Variants in SRGAP2 observed in about 807,000 individuals in gnomAD.
SRGAP2 encodes the protein SLIT-ROBO Rho GTPase-activating protein 2.
A neutral mutation model predicts 57.2 loss-of-function variants in SRGAP2; 15 were observed. The ratio of observed to expected loss-of-function variants is 0.26; its 90% CI spans 0.18 to 0.40. The LOEUF is 0.40. SRGAP2 is among the 10% of genes least tolerant of loss of function. The pLI, the probability that SRGAP2 is intolerant of heterozygous loss-of-function variation, is 1.00. For missense variants in SRGAP2, 520 were observed against 669.6 expected (o/e 0.78, Z 2.47); for synonymous variants, 249 against 248.0 (o/e 1.00, Z -0.04).
chr1:206,329,769 C>T (rs1674214785), intron 3 of SRGAP2, among the ~76,000 whole-genome samples: 1 of 145,036 alleles, frequency 6.9e-6, no homozygotes, highest in Non-Finnish European at 1.5e-5. Flanking sequence ...AATTTGACTT[C>T]CTCTTTTCCT....
intron 3 of SRGAP2, among the ~76,000 whole-genome samples, chr1:206,305,765 AGGACAC>A (rs1672154648): frequency 1.3e-5 from 2 of 150,558 alleles, no homozygotes; most frequent in South Asian, 2.1e-4. Flanking sequence ...TTAATAATAC[AGGACAC>A]AAATTATCCT....
intron 4 of SRGAP2, among the ~76,000 whole-genome samples, chr1:206,348,035 T>A (rs1214599740): frequency 2.0e-5 from 3 of 149,116 alleles, no homozygotes. Context: ...GCTGCACAAT[T>A]GGCCCCTCTA....
chr1:206,452,101 T>TA (rs1663369980), intron 19 of SRGAP2, among the ~76,000 whole-genome samples: 1 of 152,220 alleles, frequency 6.6e-6, no homozygotes, highest in Non-Finnish European at 1.5e-5. Context: ...ACATACCACT[T>TA]ACTATGGGCG....
At chr1:206,460,649 A>C (rs17018801) in intron 22 of SRGAP2, among the ~76,000 whole-genome samples, 7 of 152,280 alleles carry the variant, frequency 4.6e-5, no homozygotes, top group African/African-American at 1.7e-4. Flanking sequence ...AAACCTACCC[A>C]AAAGCAGACA....
At chr1:206,255,243 T>G (rs550983446) in intron 2 of SRGAP2, among the ~76,000 whole-genome samples, 16 of 151,366 alleles carry the variant, frequency 1.1e-4, no homozygotes, top group Non-Finnish European at 2.1e-4. Context: ...CTTATTGGCC[T>G]GTCTCGTCAG....
In SRGAP2 at chr1:206,384,448, C is replaced by T. The variant is rs139637295; in HGVS notation, c.486+372C>T. Among the ~76,000 whole-genome samples the T allele has an allele frequency of 3.7e-4, 55 of 150,260 alleles. 1 individual carries two copies. Among genetic ancestry groups the T allele is most frequent in the Admixed American group, 5.2e-4 (8 of 15,244 alleles). On this transcript the variant is annotated intron_variant, in intron 5 of 22. Coordinates refer to ENST00000573034, the MANE Select transcript of SRGAP2 (RefSeq NM_015326.5). Reference sequence around the variant, plus strand: ...CATTGCACTATTAATATGTGCCTGTCGGAAAGCCTTTATTGTTCTAGGTTT... The same window carrying T: ...CATTGCACTATTAATATGTGCCTGTTGGAAAGCCTTTATTGTTCTAGGTTT...
At chr1:206,458,414 G>A (rs1342762896) in intron 21 of SRGAP2, 2 of 709,812 alleles carry the variant, frequency 2.8e-6, no homozygotes, top group Non-Finnish European at 2.6e-6. Context: ...CACCAAGTAA[G>A]TATCCATTTC....
intron 2 of SRGAP2, among the ~76,000 whole-genome samples, chr1:206,214,046 A>T (rs1333121075): frequency 2.0e-5 from 3 of 152,140 alleles, no homozygotes; most frequent in Non-Finnish European, 4.4e-5. Context: ...CCCACTGGAG[A>T]TCTACTCAGA....
intron 2 of SRGAP2, among the ~76,000 whole-genome samples, chr1:206,218,037 G>T (rs1260508430): frequency 4.6e-5 from 7 of 152,004 alleles, no homozygotes; most frequent in African/African-American, 1.7e-4. Flanking sequence ...GGCCTGGCTG[G>T]GTGGCTCAAG....
At chr1:206,459,448 G>C (rs886580516) in intron 22 of SRGAP2, among the ~76,000 whole-genome samples, 1 of 152,138 alleles carries the variant, frequency 6.6e-6, no homozygotes, top group Non-Finnish European at 1.5e-5. Context: ...AAATACTCTG[G>C]CTGCAGAGAG....
chr1:206,334,016 A>C (rs1289759101), intron 3 of SRGAP2, among the ~76,000 whole-genome samples: 1 of 152,140 alleles, frequency 6.6e-6, no homozygotes, highest in Non-Finnish European at 1.5e-5. Flanking sequence ...GCCAATGGAC[A>C]TACAAATTTG....
chr1:206,433,226 G>A (rs1661423498), intron 14 of SRGAP2, among the ~76,000 whole-genome samples: 1 of 152,166 alleles, frequency 6.6e-6, no homozygotes, highest in Non-Finnish European at 1.5e-5. Context: ...TACTTATAGG[G>A]GATGGATGGA....
chr1:206,307,616 C>A (rs1363671333), intron 3 of SRGAP2, among the ~76,000 whole-genome samples: 12 of 152,364 alleles, frequency 7.9e-5, no homozygotes, highest in Admixed American at 6.5e-4. Flanking sequence ...GCAGCTAAGG[C>A]CCAGTGAGAA....
intron 4 of SRGAP2, among the ~76,000 whole-genome samples, chr1:206,353,798 AT>A (rs566625693): frequency 0.016 from 2,011 of 127,308 alleles, 15 homozygotes; most frequent in South Asian, 0.042. Flanking sequence ...TTTATTTCAG[AT>A]TTTTTTTTTT....
intron 4 of SRGAP2, among the ~76,000 whole-genome samples, chr1:206,369,331 A>T (rs1402312483): frequency 7.2e-5 from 11 of 152,040 alleles, no homozygotes; most frequent in Non-Finnish European, 1.6e-4. Context: ...AGTCTTCGTG[A>T]TCTTGGATTA....
chr1:206,232,705 G>A, intron 2 of SRGAP2, among the ~76,000 whole-genome samples: 1 of 72,160 alleles, frequency 1.4e-5, no homozygotes. Context: ...TGTTAGCCAG[G>A]CTGGTCTCGA....
intron 2 of SRGAP2, among the ~76,000 whole-genome samples, chr1:206,278,321 A>C (rs1347225086): frequency 6.7e-6 from 1 of 150,238 alleles, no homozygotes; most frequent in African/African-American, 2.4e-5. Flanking sequence ...TGCTTTTTAA[A>C]ATTTTTTCTT....
intron 19 of SRGAP2, among the ~76,000 whole-genome samples, chr1:206,450,874 G>A (rs1341018758): frequency 5.3e-5 from 8 of 152,134 alleles, no homozygotes; most frequent in Non-Finnish European, 1.2e-4. Context: ...AGCACTGGGA[G>A]GCCCAGGCGG....
intron 4 of SRGAP2, among the ~76,000 whole-genome samples, chr1:206,358,405 G>A (rs868911354): frequency 5.0e-4 from 75 of 149,484 alleles, no homozygotes; most frequent in Non-Finnish European, 9.1e-4. Context: ...TTTTTTTAGC[G>A]GTATATTATC....
Sources: allele counts gnomAD v4.1 joint callset (sites outside exome capture counted in the v4.1 genomes callset), GRCh38; gene constraint gnomAD v4.1.1; transcripts MANE v1.5; gene names NCBI Gene and HGNC (gene_info 2026-07-23, HGNC 2026-07-21).